The following LARGE1 variants were observed in gnomAD, a reference collection of about 807,000 sequenced individuals.
The protein encoded by LARGE1 is xylosyl- and glucuronyltransferase LARGE1.
A neutral mutation model predicts 87.6 loss-of-function variants in LARGE1; 43 were observed. The ratio of observed to expected loss-of-function variants is 0.49; its 90% confidence interval spans 0.38 to 0.63. The LOEUF (loss-of-function observed/expected upper bound fraction) is 0.63, where lower values mean the gene tolerates loss of function less well. LARGE1 is among the 30% of genes least tolerant of loss of function. The probability of loss-of-function intolerance (pLI) is 0.00; values close to 1 mark genes in which losing one functional copy is unlikely to be tolerated. For missense variants in LARGE1, 802 were observed against 1,000.2 expected, an observed-to-expected ratio of 0.80 and a Z score of 2.67; for synonymous variants, 434 against 394.6, an observed-to-expected ratio of 1.10 and a Z score of -1.18.
chr22:33,105,091 G>A, the LARGE1 span, among the ~76,000 whole-genome samples: 5 of 151,720 alleles, frequency 3.3e-5, no homozygotes, highest in African/African-American at 1.2e-4. Flanking sequence ...TCCGACTCCT[G>A]GGTTCAAGCG....
chr22:33,196,644 T>C lies in LARGE1; in HGVS notation c.1731-29812A>G, dbSNP rs142561156. Among the ~76,000 whole-genome samples the C allele has an allele frequency of 2.6e-4, 39 of 152,134 alleles. 1 individual carries two copies. Among genetic ancestry groups the C allele is most frequent in the East Asian group, 2.5e-3 (13 of 5,174 alleles). On this transcript the variant is annotated intron_variant, in intron 11 of 11. Coordinates refer to the LARGE1 transcript ENST00000608642. Reference sequence around the variant, plus strand: ...GAGGGAACAGTTACTTCATTCAACTTTGGGATCTCCATAACAATAAGAGTA... The same window carrying C: ...GAGGGAACAGTTACTTCATTCAACTCTGGGATCTCCATAACAATAAGAGTA...
At chr22:33,178,979 C>T (rs1923022439) in intron 11 of LARGE1, among the ~76,000 whole-genome samples, 2 of 152,102 alleles carry the variant, frequency 1.3e-5, no homozygotes, top group Non-Finnish European at 2.9e-5. Flanking sequence ...TGGTGAGGAC[C>T]TTCTTGCTGC....
In LARGE1 at chr22:33,564,974, C is replaced by A; in HGVS notation, c.661G>T (p.Gly221Cys). The A allele has an allele frequency of 6.2e-7, 1 of 1,614,114 alleles. No homozygotes were observed. Among genetic ancestry groups the A allele is most frequent in the Non-Finnish European group, 8.5e-7 (1 of 1,180,000 alleles). The change falls in exon 6 of 15, where the codon GGT (glycine) becomes TGT (cysteine). Residue 221 changes from glycine (G) to cysteine (C), a missense_variant. Transcript: ENST00000397394. ...TTGGTCAGGACAAGCTTCATCAGAC[C>A]ATAAATCCCAGAGTAATGTTTATTG... ...IPNKHYSGIY[G>C]LMKLVLTKTL...
intron 3 of LARGE1, among the ~76,000 whole-genome samples, chr22:33,641,252 CAG>C (rs1450320524): frequency 6.6e-6 from 1 of 152,164 alleles, no homozygotes; most frequent in African/African-American, 2.4e-5. Flanking sequence ...CCCAGGCAAA[CAG>C]GGTATGGAGT....
At chr22:33,870,970 C>T (rs1211179885) in intron 1 of LARGE1, among the ~76,000 whole-genome samples, 1 of 152,188 alleles carries the variant, frequency 6.6e-6, no homozygotes, top group East Asian at 1.9e-4. Flanking sequence ...AAACCCAGAT[C>T]CAGAATCTGT....
intron 3 of LARGE1, among the ~76,000 whole-genome samples, chr22:33,633,746 C>G (rs2080179399): frequency 6.6e-6 from 1 of 152,190 alleles, no homozygotes. Flanking sequence ...AGGCTCAGCA[C>G]AGATTCTGGA....
At chr22:33,863,524 G>A (rs954145431) in intron 1 of LARGE1, among the ~76,000 whole-genome samples, 2 of 151,726 alleles carry the variant, frequency 1.3e-5, no homozygotes, top group African/African-American at 4.8e-5. Context: ...CTGGGAGGCC[G>A]AGGTGGGCGG....
At chr22:33,421,797 G>A (rs1246283416) in intron 7 of LARGE1, among the ~76,000 whole-genome samples, 2 of 152,200 alleles carry the variant, frequency 1.3e-5, no homozygotes, top group African/African-American at 2.4e-5. Context: ...AAGGCAAGAT[G>A]AGAAGGCATT....
intron 11 of LARGE1, among the ~76,000 whole-genome samples, chr22:33,261,933 C>A (rs75889143): frequency 0.027 from 4,123 of 152,264 alleles, 186 homozygotes; most frequent in African/African-American, 0.093. Flanking sequence ...CTCATAAGAA[C>A]TAAACTCTTG....
At chr22:33,804,677 G>A (rs1601656968) in intron 1 of LARGE1, among the ~76,000 whole-genome samples, 1 of 152,192 alleles carries the variant, frequency 6.6e-6, no homozygotes, top group South Asian at 2.1e-4. Context: ...AGACTAAAGT[G>A]CCTGGCTTAA....
At chr22:33,114,328 G>A in the LARGE1 span, among the ~76,000 whole-genome samples, 1 of 152,082 alleles carries the variant, frequency 6.6e-6, no homozygotes, top group African/African-American at 2.4e-5. Context: ...TGTCTTGTTA[G>A]GACAACATAA....
chr22:33,395,470 A>G (rs2065707149), intron 7 of LARGE1, among the ~76,000 whole-genome samples: 1 of 152,212 alleles, frequency 6.6e-6, no homozygotes, highest in Admixed American at 6.5e-5. Flanking sequence ...GTAACTTCAT[A>G]GCATGTAGAG....
intron 1 of LARGE1, among the ~76,000 whole-genome samples, chr22:33,812,305 G>A (rs917894605): frequency 5.3e-5 from 8 of 152,142 alleles, no homozygotes; most frequent in Non-Finnish European, 7.3e-5. Context: ...GCCTTCTCAC[G>A]GTTCTGACAC....
the LARGE1 span, among the ~76,000 whole-genome samples, chr22:33,088,315 G>C: frequency 6.6e-6 from 1 of 151,996 alleles, no homozygotes; most frequent in African/African-American, 2.4e-5. Flanking sequence ...CAAATGACTG[G>C]GGTTGTAGTC....
chr22:33,150,848 T>G, the LARGE1 span, among the ~76,000 whole-genome samples: 2 of 152,238 alleles, frequency 1.3e-5, no homozygotes, highest in Non-Finnish European at 2.9e-5. Flanking sequence ...TTGATTACTA[T>G]AGCTATATAG....
chr22:33,357,224 C>G (rs934233330), intron 9 of LARGE1, among the ~76,000 whole-genome samples: 2 of 152,006 alleles, frequency 1.3e-5, no homozygotes, highest in South Asian at 4.2e-4. Flanking sequence ...GGACTGGAGG[C>G]CTTATTTTAA....
the LARGE1 span, among the ~76,000 whole-genome samples, chr22:33,082,129 T>C: frequency 6.6e-6 from 1 of 152,170 alleles, no homozygotes; most frequent in East Asian, 1.9e-4. Flanking sequence ...TCCATTTCCT[T>C]TTCACTGGCT....
intron 7 of LARGE1, among the ~76,000 whole-genome samples, chr22:33,421,512 G>A (rs7285320): frequency 0.039 from 5,932 of 152,270 alleles, 347 homozygotes; most frequent in African/African-American, 0.14. Context: ...TAGGATCCCA[G>A]GTTGACCAAT....
chr22:33,851,621 T>C (rs1185057355), intron 1 of LARGE1, among the ~76,000 whole-genome samples: 1 of 152,230 alleles, frequency 6.6e-6, no homozygotes, highest in Admixed American at 6.5e-5. Flanking sequence ...AAAGTTGGGT[T>C]CATTGGTTCA....
Sources: gnomAD v4.1 joint callset for allele counts (sites outside exome capture counted in the v4.1 genomes callset) on GRCh38, gnomAD v4.1.1 for gene constraint, MANE v1.5 for transcripts, NCBI Gene and HGNC (gene_info 2026-07-23, HGNC 2026-07-21) for gene names.